Variants in BACE1-AS observed in about 807,000 individuals in gnomAD.
BACE1-AS encodes the protein BACE1 antisense RNA (non-protein coding).
chr11:117,291,794 A>G (rs761525173), intron 2 of BACE1-AS: 1 of 1,612,436 alleles, frequency 6.2e-7, no homozygotes, highest in Non-Finnish European at 8.5e-7. Flanking sequence ...ACTGTCCACA[A>G]TGCTCTTGTC....
chr11:117,291,693 C>T, intron 1 of BACE1-AS: 3 of 1,572,636 alleles, frequency 1.9e-6, no homozygotes, highest in Middle Eastern at 1.7e-4. Flanking sequence ...TCTTTTACCC[C>T]CATCCTTAGT....
At chr11:117,291,885 C>T (rs1440267204) in intron 2 of BACE1-AS, 1 of 1,196,186 alleles carries the variant, frequency 8.4e-7, no homozygotes, top group African/African-American at 1.5e-5. Context: ...TAGGGGGTTA[C>T]TGCTGGGGCC....
chr11:117,291,697 C>A, intron 1 of BACE1-AS: 2 of 1,588,444 alleles, frequency 1.3e-6, no homozygotes, highest in Middle Eastern at 1.7e-4. Flanking sequence ...TTACCCCCAT[C>A]CTTAGTCCAC....
intron 1 of BACE1-AS, chr11:117,291,680 A>G (rs2134447795): frequency 6.7e-7 from 1 of 1,494,736 alleles, no homozygotes; most frequent in South Asian, 1.1e-5. Context: ...ACACTGTACC[A>G]TCTCTTTTAC....
Position 117,291,840 on chromosome 11 carries a change from G to GAGTC in BACE1-AS, n.125+71_125+74dup, listed in dbSNP as rs1176138385. 9 of 1,562,544 alleles carry GAGTC rather than the reference G, an allele frequency of 5.8e-6. No individual in the cohort carries two copies. The South Asian group carries it at 1.0e-4, about 17-fold the overall frequency. On this transcript the variant is annotated intron_variant and non_coding_transcript_variant, in intron 2 of 3. Transcript: ENST00000614401. ...TAAGAGGGAAAAGAGAGAGTTAAAA[G>GAGTC]AGTCAAAAGGTTTTTGATGCTGGGC...
intron 1 of BACE1-AS, chr11:117,291,643 G>T: frequency 8.7e-7 from 1 of 1,149,178 alleles, no homozygotes. Context: ...TGTTGCTGAA[G>T]AATGTGACTC....
intron 2 of BACE1-AS, chr11:117,291,855 T>C: frequency 1.3e-6 from 2 of 1,496,620 alleles, no homozygotes; most frequent in Non-Finnish European, 1.9e-6. Context: ...AAAAGGTTTT[T>C]GATGCTGGGC....
At chr11:117,291,493 G>C (rs985939055) in intron 1 of BACE1-AS, among the ~76,000 whole-genome samples, 1 of 152,050 alleles carries the variant, frequency 6.6e-6, no homozygotes. Flanking sequence ...GGTCAGGCTG[G>C]TCTTGAACTC....
intron 1 of BACE1-AS, chr11:117,291,651 C>G: frequency 4.1e-6 from 5 of 1,231,362 alleles, no homozygotes; most frequent in Non-Finnish European, 6.0e-6. Context: ...AAGAATGTGA[C>G]TCTCACCGCC....
At chr11:117,291,771 G>T in exon 2 of BACE1-AS, 1 of 1,613,498 alleles carries the variant, frequency 6.2e-7, no homozygotes, top group South Asian at 1.1e-5. Context: ...GGCAAACGAA[G>T]GTTGGTGGTG....
rs1262690030 is a variant in BACE1-AS at position 117,291,816 on chromosome 11, A to G, written n.125+45A>G. On this transcript the variant is annotated intron_variant and non_coding_transcript_variant, in intron 2 of 3. Transcript: ENST00000614401. ...ACAATGCTCTTGTCATAGTTGTACT[A>G]AGAGGGAAAAGAGAGAGTTAAAAGA... is the stretch of plus-strand genomic sequence containing the variant. 8 of 1,598,068 alleles carry G rather than the reference A, an allele frequency of 5.0e-6. No homozygotes were observed. In the South Asian group the frequency reaches 6.6e-5, roughly 13 times the overall value.
intron 1 of BACE1-AS, chr11:117,291,642 A>T (rs2034440384): frequency 8.7e-7 from 1 of 1,143,378 alleles, no homozygotes; most frequent in African/African-American, 1.5e-5. Flanking sequence ...CTGTTGCTGA[A>T]GAATGTGACT....
chr11:117,291,820 G>C, intron 2 of BACE1-AS: 1 of 1,597,732 alleles, frequency 6.3e-7, no homozygotes, highest in South Asian at 1.1e-5. Flanking sequence ...TGTACTAAGA[G>C]GGAAAAGAGA....
intron 2 of BACE1-AS, chr11:117,291,895 C>T (rs1346718201): frequency 9.5e-7 from 1 of 1,052,240 alleles, no homozygotes; most frequent in Non-Finnish European, 1.5e-6. Flanking sequence ...CTGCTGGGGC[C>T]CCAGCTGGGT....
intron 1 of BACE1-AS, chr11:117,291,699 T>C: frequency 6.3e-7 from 1 of 1,591,312 alleles, no homozygotes; most frequent in South Asian, 1.1e-5. Flanking sequence ...ACCCCCATCC[T>C]TAGTCCACTC....
At chr11:117,292,046 T>C (rs28989504) in intron 2 of BACE1-AS, 17,304 of 311,206 alleles carry the variant, frequency 0.056, 657 homozygotes, top group East Asian at 0.13. Flanking sequence ...AAATCAGCAA[T>C]GTAAAGCACT....
chr11:117,291,759 T>G (rs997611644), exon 2 of BACE1-AS: 6 of 1,613,662 alleles, frequency 3.7e-6, no homozygotes, highest in Non-Finnish European at 5.1e-6. Context: ...AACACTTTCT[T>G]GGGCAAACGA....
At chr11:117,291,567 C>G (rs1448700349) in intron 1 of BACE1-AS, 3 of 586,718 alleles carry the variant, frequency 5.1e-6, no homozygotes, top group Non-Finnish European at 9.0e-6. Flanking sequence ...TGAGCCACCA[C>G]GCCTGGCTAG....
chr11:117,291,707 C>T (rs747913030), exon 2 of BACE1-AS: 3 of 1,607,316 alleles, frequency 1.9e-6, no homozygotes, highest in Non-Finnish European at 1.7e-6. Flanking sequence ...CCTTAGTCCA[C>T]TCACGGAGGA....
Sources: allele counts gnomAD v4.1 joint callset (sites outside exome capture counted in the v4.1 genomes callset), GRCh38; gene constraint gnomAD v4.1.1; transcripts MANE v1.5; gene names NCBI Gene and HGNC (gene_info 2026-07-23, HGNC 2026-07-21).